The following HAT1 variants were observed in gnomAD, a reference collection of about 807,000 sequenced individuals.
HAT1 encodes the protein histone acetyltransferase type B catalytic subunit.
A neutral mutation model predicts 56.6 loss-of-function variants in HAT1; 20 were observed. That is an observed-to-expected ratio of 0.35 (90% confidence interval 0.25 to 0.51). HAT1 has a LOEUF of 0.51. HAT1 is among the 20% of genes least tolerant of loss of function. HAT1 has a pLI of 0.95. For synonymous variants in HAT1, 146 were observed against 165.5 expected (o/e 0.88, Z 0.91); for missense variants, 408 against 504.3 (o/e 0.81, Z 1.83).
chr2:171,977,461 TAAA>T (rs369071500), intron 9 of HAT1, among the ~76,000 whole-genome samples: 1 of 108,594 alleles, frequency 9.2e-6, no homozygotes, highest in African/African-American at 3.3e-5. Context: ...GACTTCATCT[TAAA>T]AAAAAAAAAA....
chr2:171,958,776 C>T (rs1380581481), intron 4 of HAT1, among the ~76,000 whole-genome samples: 1 of 152,184 alleles, frequency 6.6e-6, no homozygotes, highest in Non-Finnish European at 1.5e-5. Flanking sequence ...ATGCCACCAA[C>T]TTTTTCAGGA....
At chr2:171,940,358 C>A (rs1686988266) in intron 2 of HAT1, among the ~76,000 whole-genome samples, 1 of 152,190 alleles carries the variant, frequency 6.6e-6, no homozygotes, top group Non-Finnish European at 1.5e-5. Flanking sequence ...GGTGACTCAA[C>A]CCTCTCTAAC....
intron 9 of HAT1, among the ~76,000 whole-genome samples, chr2:171,977,461 TA>T (rs369071500): frequency 9.0e-4 from 98 of 108,552 alleles, no homozygotes; most frequent in Admixed American, 1.8e-3. Context: ...GACTTCATCT[TA>T]AAAAAAAAAA....
intron 2 of HAT1, among the ~76,000 whole-genome samples, chr2:171,929,987 C>T (rs954399911): frequency 1.3e-5 from 2 of 152,116 alleles, no homozygotes; most frequent in Non-Finnish European, 2.9e-5. Context: ...TACATTGAAT[C>T]TAAAATTGAA....
At chr2:171,922,747 G>A (rs1686473643) in intron 1 of HAT1, 1 of 396,836 alleles carries the variant, frequency 2.5e-6, no homozygotes, top group Non-Finnish European at 4.4e-6. Flanking sequence ...GGCCCCTACC[G>A]AGGGCCGAAG....
chr2:171,959,311 G>A (rs548036335), intron 4 of HAT1, among the ~76,000 whole-genome samples: 7 of 152,274 alleles, frequency 4.6e-5, no homozygotes, highest in East Asian at 3.9e-4. Context: ...GTTTTTCCTT[G>A]TGTGTAAACC....
chr2:171,940,294 G>A (rs530677622), intron 2 of HAT1, among the ~76,000 whole-genome samples: 1 of 152,222 alleles, frequency 6.6e-6, no homozygotes, highest in East Asian at 1.9e-4. Flanking sequence ...AAAAACAAGC[G>A]TTGTTGCCTT....
chr2:171,929,245 T>C (rs1190302226), intron 2 of HAT1, among the ~76,000 whole-genome samples: 1 of 152,206 alleles, frequency 6.6e-6, no homozygotes, highest in Non-Finnish European at 1.5e-5. Context: ...GTTTTTTTAA[T>C]GTGGTTATCG....
chr2:171,953,765 T>G (rs1386633272), intron 4 of HAT1, among the ~76,000 whole-genome samples: 1 of 150,370 alleles, frequency 6.7e-6, no homozygotes, highest in Non-Finnish European at 1.5e-5. Context: ...GAGGCCAAGG[T>G]GGGCGGATCA....
In HAT1 at chr2:171,946,666, T is replaced by C. The variant is rs373491390; in HGVS notation, c.113-42T>C. 7 of 1,103,056 alleles carry C rather than the reference T, an allele frequency of 6.3e-6. No homozygotes were observed. In the African/African-American group the frequency reaches 9.2e-5, roughly 15 times the overall value. 68.3% of individuals were successfully genotyped at this position (1,103,056 alleles called of 1,614,324 possible). ...GAATACCTGTCACCTTCAATATCTT[T>C]AGTTATCTTTAATATCTCTATTTTT... is the stretch of plus-strand genomic sequence containing the variant. On this transcript the variant is annotated intron_variant, in intron 2 of 10. Transcript: ENST00000264108.
intron 4 of HAT1, among the ~76,000 whole-genome samples, chr2:171,955,960 A>G (rs948455417): frequency 3.3e-5 from 5 of 151,746 alleles, no homozygotes; most frequent in Non-Finnish European, 5.9e-5. Context: ...CAGGAGAATC[A>G]CCGGAACCCG....
chr2:171,935,562 G>T (rs1372830572), intron 2 of HAT1, among the ~76,000 whole-genome samples: 7 of 150,366 alleles, frequency 4.7e-5, no homozygotes, highest in Admixed American at 2.7e-4. Context: ...TTAAGTCTTG[G>T]TGGGGGCTGA....
At chr2:171,937,757 T>C (rs1035989177) in intron 2 of HAT1, among the ~76,000 whole-genome samples, 2 of 152,066 alleles carry the variant, frequency 1.3e-5, no homozygotes, top group African/African-American at 4.8e-5. Context: ...TGGTTAATTA[T>C]AGTAATGGAG....
chr2:171,935,429 C>T (rs569001800), intron 2 of HAT1, among the ~76,000 whole-genome samples: 2 of 138,626 alleles, frequency 1.4e-5, no homozygotes, highest in African/African-American at 2.8e-5. Flanking sequence ...GCAAGAGAAT[C>T]GTTTGAACCT....
chr2:171,944,640 A>G (rs776528604), intron 2 of HAT1, among the ~76,000 whole-genome samples: 1 of 152,196 alleles, frequency 6.6e-6, no homozygotes, highest in Non-Finnish European at 1.5e-5. Flanking sequence ...TCTTGAGTAT[A>G]CTGAGGGATG....
chr2:171,928,081 C>T (rs1412114162), intron 2 of HAT1, among the ~76,000 whole-genome samples: 2 of 151,944 alleles, frequency 1.3e-5, no homozygotes, highest in African/African-American at 4.8e-5. Context: ...GAGACGGTTT[C>T]ATCATGTTGG....
intron 3 of HAT1, among the ~76,000 whole-genome samples, chr2:171,952,475 G>A (rs1687332651): frequency 1.3e-5 from 2 of 152,172 alleles, no homozygotes. Context: ...AAGTTGGAGG[G>A]ACTGGTCCAA....
rs587686867 is a variant in HAT1, at chr2:171,953,626, TAAAAAAAAAAA to T, written c.309+644_309+654del. 4.9e-3 allele frequency among the ~76,000 whole-genome samples: 416 copies of T among 84,608 alleles called. 6 individuals are homozygous for T. The highest frequency in any genetic ancestry group is 0.012 in the African/African-American group (218 of 18,768). The allele number at this position is 84,608 out of a possible 152,430, so 55.5% of individuals were successfully genotyped here. On this transcript the variant is annotated intron_variant, in intron 4 of 10. Coordinates refer to ENST00000264108, the MANE Select transcript of HAT1 (RefSeq NM_003642.4). ...GGCAACAGAACAAGACCCTGTCTCTTAAAAAAAAAAAAAAAAAAAAAAAAAAAAATTAAGGT... is the reference window on the plus strand; with the variant it reads ...GGCAACAGAACAAGACCCTGTCTCTTAAAAAAAAAAAAAAAAAATTAAGGT...
intron 4 of HAT1, among the ~76,000 whole-genome samples, chr2:171,953,991 T>C (rs1487274214): frequency 6.6e-6 from 1 of 151,992 alleles, no homozygotes; most frequent in Non-Finnish European, 1.5e-5. Flanking sequence ...TGAAACTGTC[T>C]CAAAAAAAAA....
Sources: gnomAD v4.1 joint callset for allele counts (sites outside exome capture counted in the v4.1 genomes callset) on GRCh38, gnomAD v4.1.1 for gene constraint, MANE v1.5 for transcripts, NCBI Gene and HGNC (gene_info 2026-07-23, HGNC 2026-07-21) for gene names.